ASCC3: variants seen among roughly 807,000 people sequenced by gnomAD.
ASCC3 encodes activating signal cointegrator 1 complex subunit 3, also known as ASC-1 complex subunit P200.
In ASCC3, 158 loss-of-function variants were observed where a neutral mutation model predicts 256.3. The observed-to-expected ratio is 0.62, with a 90% CI of 0.54 to 0.70. The LOEUF (loss-of-function observed/expected upper bound fraction) is 0.70. ASCC3 is among the 30% of genes least tolerant of loss of function. The probability of loss-of-function intolerance (pLI) is 0.00; values close to 1 mark genes in which losing one functional copy is unlikely to be tolerated. For synonymous variants in ASCC3, 948 were observed against 883.4 expected (o/e 1.07, Z -1.30); for missense variants, 2,259 against 2,626.0 (o/e 0.86, Z 3.05).
intron 10 of ASCC3, among the ~76,000 whole-genome samples, chr6:100,756,274 T>C (rs947468356): frequency 3.9e-5 from 6 of 152,034 alleles, no homozygotes; most frequent in African/African-American, 1.4e-4. Context: ...CTTCTGAACT[T>C]TCTAGTACTT....
chr6:100,850,098 C>CAAAAA (rs61582863), intron 3 of ASCC3, among the ~76,000 whole-genome samples: 20,349 of 80,164 alleles, frequency 0.25, 2,168 homozygotes, highest in Non-Finnish European at 0.34. Context: ...GAGACTCTAT[C>CAAAAA]AAAAAAAAAA....
chr6:100,592,450 AT>A (rs1453243718), intron 34 of ASCC3, among the ~76,000 whole-genome samples: 37 of 152,028 alleles, frequency 2.4e-4, no homozygotes, highest in African/African-American at 8.9e-4. Context: ...CATTTAAAAT[AT>A]TTTCAAATCC....
At chr6:100,827,692 T>C (rs1771388495) in intron 4 of ASCC3, among the ~76,000 whole-genome samples, 2 of 152,300 alleles carry the variant, frequency 1.3e-5, no homozygotes, top group East Asian at 1.9e-4. Context: ...ACAAATCCTA[T>C]ACAGACAAAT....
chr6:100,597,101 C>G (rs1396414816), intron 34 of ASCC3, among the ~76,000 whole-genome samples: 8 of 152,152 alleles, frequency 5.3e-5, no homozygotes, highest in Admixed American at 2.6e-4. Context: ...AATATCAGCA[C>G]CCTTAATGAG....
At chr6:100,643,687 C>T (rs1274204235) in intron 23 of ASCC3, among the ~76,000 whole-genome samples, 1 of 152,052 alleles carries the variant, frequency 6.6e-6, no homozygotes, top group Non-Finnish European at 1.5e-5. Context: ...CACAATGGTA[C>T]TTACCTATCT....
chr6:100,863,749 G>C (rs1021575198), intron 3 of ASCC3, among the ~76,000 whole-genome samples: 1 of 151,992 alleles, frequency 6.6e-6, no homozygotes, highest in Non-Finnish European at 1.5e-5. Flanking sequence ...CAGAGTAGCT[G>C]GGACTACAAG....
At chr6:100,542,048 G>A (rs75152082) in intron 36 of ASCC3, among the ~76,000 whole-genome samples, 191 of 152,244 alleles carry the variant, frequency 1.3e-3, no homozygotes, top group African/African-American at 4.5e-3. Context: ...ACATCAATGA[G>A]TTGTGAGACA....
chr6:100,827,583 AG>A (rs1296866766), intron 4 of ASCC3, among the ~76,000 whole-genome samples: 1 of 152,204 alleles, frequency 6.6e-6, no homozygotes, highest in African/African-American at 2.4e-5. Flanking sequence ...TACCTAATGA[AG>A]GATATCTCAG....
At chr6:100,863,632 C>T (rs1407857901) in intron 3 of ASCC3, among the ~76,000 whole-genome samples, 17 of 150,994 alleles carry the variant, frequency 1.1e-4, no homozygotes, top group African/African-American at 4.1e-4. Flanking sequence ...TTTTTCTGTT[C>T]GAGACAGGGT....
At chr6:100,650,774 T>A in intron 19 of ASCC3, 60 bp from the exon 20 acceptor site, 1 of 1,284,168 alleles carries the variant, frequency 7.8e-7, no homozygotes, top group Non-Finnish European at 1.1e-6. Context: ...TTTTTCACAT[T>A]GAAATTAAAT....
intron 19 of ASCC3, 53 bp downstream of exon 19, chr6:100,651,503 AAATG>A: frequency 9.9e-7 from 1 of 1,006,242 alleles, no homozygotes. Context: ...AACCTTTTAT[AAATG>A]AATGAATGCA....
At chr6:100,625,474 A>C (rs1366627085) in intron 29 of ASCC3, 140 bp from the exon 30 acceptor site, 3 of 978,290 alleles carry the variant, frequency 3.1e-6, no homozygotes, top group East Asian at 5.1e-5. Flanking sequence ...CAGGTACTAC[A>C]TGGATCTGGC....
chr6:100,695,864 T>C (rs888784469), intron 13 of ASCC3, among the ~76,000 whole-genome samples: 2 of 152,096 alleles, frequency 1.3e-5, no homozygotes, highest in African/African-American at 4.8e-5. Context: ...GATAGACCAG[T>C]GGAGAGTTAG....
At chr6:100,718,032 T>C in intron 12 of ASCC3, 43 bp downstream of exon 12, 1 of 1,582,586 alleles carries the variant, frequency 6.3e-7, no homozygotes, top group Non-Finnish European at 8.6e-7. Context: ...CAATAATAAG[T>C]CAACAAAAAT....
In ASCC3 at chr6:100,702,062, C is replaced by T. The variant is rs537082760; in HGVS notation, c.2151+13400G>A. 6.6e-5 allele frequency among the ~76,000 whole-genome samples: 10 copies of T among 152,142 alleles called. No homozygotes were observed. In the South Asian group the frequency reaches 1.9e-3, roughly 29 times the overall value. The stretch of plus-strand genomic sequence containing the variant: ...AATCATTTAAATGTCATACTGGAAC[C>T]GTGTTTTGAAAGCCAGGTCTAGCTA... On this transcript the variant is annotated intron_variant, in intron 13 of 41. Coordinates refer to ENST00000369162, the MANE Select transcript of ASCC3 (RefSeq NM_006828.4).
chr6:100,608,062 A>ATATATATGTATATATATC (rs1773003636), intron 30 of ASCC3, among the ~76,000 whole-genome samples: 1 of 32,914 alleles, frequency 3.0e-5, no homozygotes, highest in Non-Finnish European at 7.0e-5. Context: ...ATATATACAC[A>ATATATATGTATATATATC]TATATATACA....
At chr6:100,635,604 G>A (rs1474586506) in intron 25 of ASCC3, among the ~76,000 whole-genome samples, 1 of 152,066 alleles carries the variant, frequency 6.6e-6, no homozygotes, top group Non-Finnish European at 1.5e-5. Context: ...TCACAAAAAA[G>A]ATAACTATTT....
chr6:100,813,314 T>C (rs1471752172), intron 4 of ASCC3, among the ~76,000 whole-genome samples: 1 of 151,864 alleles, frequency 6.6e-6, no homozygotes, highest in East Asian at 1.9e-4. Context: ...AAAATTTAGC[T>C]GGGCTTGGTG....
chr6:100,853,420 C>CTTTTTTTTTTTTTTT (rs11299576), intron 3 of ASCC3, among the ~76,000 whole-genome samples: 1 of 127,668 alleles, frequency 7.8e-6, no homozygotes, highest in Non-Finnish European at 1.7e-5. Flanking sequence ...ATAAATATTC[C>CTTTTTTTTTTTTTTT]TTTTTTTTTT....
Sources: allele counts gnomAD v4.1 joint callset (sites outside exome capture counted in the v4.1 genomes callset), GRCh38; gene constraint gnomAD v4.1.1; transcripts MANE v1.5; gene names NCBI Gene and HGNC (gene_info 2026-07-23, HGNC 2026-07-21).